POLH: variants seen among roughly 807,000 people sequenced by gnomAD.
The protein encoded by POLH is DNA polymerase eta transcript.
Under a neutral mutation model 73.6 loss-of-function variants are expected in POLH, and 53 were observed. The ratio of observed to expected loss-of-function variants is 0.72; its 90% CI spans 0.58 to 0.91. The LOEUF (loss-of-function observed/expected upper bound fraction) is 0.91, where lower values mean the gene tolerates loss of function less well. POLH is among the 40% of genes least tolerant of loss of function. The pLI is 0.00. For synonymous variants in POLH, 292 were observed against 308.5 expected, an observed-to-expected ratio of 0.95 and a Z score of 0.56; for missense variants, 768 against 865.4, an observed-to-expected ratio of 0.89 and a Z score of 1.41.
At chr6:43,602,995 C>CTAT (rs1766896886) in intron 6 of POLH, among the ~76,000 whole-genome samples, 1 of 114,022 alleles carries the variant, frequency 8.8e-6, no homozygotes, top group Non-Finnish European at 1.7e-5. Flanking sequence ...TTATGTATTC[C>CTAT]TTTTTTTTTT....
At chr6:43,598,000 C>A in intron 5 of POLH, 135 bp downstream of exon 5, 2 of 766,128 alleles carry the variant, frequency 2.6e-6, no homozygotes, top group Non-Finnish European at 4.5e-6. Flanking sequence ...ATCGCGTGAG[C>A]CCAGGAGTTG....
chr6:43,615,778 TTC>T lies in POLH; in HGVS notation c.*1224_*1225del, dbSNP rs1032400287. The T allele has an allele frequency of 5.3e-5, 8 of 151,802 alleles. No homozygotes were observed. Among genetic ancestry groups the T allele is most frequent in the Non-Finnish European group, 1.0e-4 (7 of 68,012 alleles). 9.4% of individuals were successfully genotyped at this position (151,802 alleles called of 1,614,324 possible). On this transcript the variant is annotated 3_prime_UTR_variant, in exon 11 of 11. Transcript: ENST00000372236. ...ACCTCCGTCTCCTGGGTTCAAGCAA[TTC>T]TCCTGCCTCAGCCTCCCAAGTAGCT...
chr6:43,607,170 C>T (rs1767397110), intron 9 of POLH, among the ~76,000 whole-genome samples: 3 of 152,360 alleles, frequency 2.0e-5, no homozygotes, highest in South Asian at 4.1e-4. Flanking sequence ...TCTCGGCTCA[C>T]TGCAACATCC....
At chr6:43,598,982 ATTT>A (rs938691033) in intron 5 of POLH, among the ~76,000 whole-genome samples, 1 of 108,128 alleles carries the variant, frequency 9.2e-6, no homozygotes, top group Non-Finnish European at 1.8e-5. Context: ...CACTTGCTGA[ATTT>A]TTTTTTTTTT....
At chr6:43,582,775 G>C (rs56143635) in intron 2 of POLH, among the ~76,000 whole-genome samples, 5 of 152,154 alleles carry the variant, frequency 3.3e-5, no homozygotes, top group Non-Finnish European at 5.9e-5. Flanking sequence ...TTGAACTCCC[G>C]GCCTCAAGCA....
rs1313904443 is a variant in POLH at position 43,619,560 on chromosome 6, C to G, written c.*5003C>G. Among the ~76,000 whole-genome samples, 1 of 152,080 alleles carries G rather than the reference C, an allele frequency of 6.6e-6. No individual in the cohort carries two copies. Among genetic ancestry groups the G allele is most frequent in the African/African-American group, 2.4e-5 (1 of 41,410 alleles). Reference sequence around the variant, plus strand: ...TGATTACCACAATTGGGATCATAAACATGTATAAACTCCTTGGGAGTCTGC... The same window carrying G: ...TGATTACCACAATTGGGATCATAAAGATGTATAAACTCCTTGGGAGTCTGC... On this transcript the variant is annotated 3_prime_UTR_variant, in exon 11 of 11. Coordinates refer to ENST00000372236, the MANE Select transcript of POLH (RefSeq NM_006502.3).
chr6:43,602,672 G>A (rs1766859676), intron 6 of POLH, among the ~76,000 whole-genome samples: 1 of 151,756 alleles, frequency 6.6e-6, no homozygotes. Context: ...AAAGAATTTT[G>A]ACTTTTTTTT....
intron 6 of POLH, 63 bp from the exon 7 acceptor site, chr6:43,603,829 C>G (rs1321035551): frequency 1.3e-6 from 2 of 1,548,806 alleles, no homozygotes; most frequent in Non-Finnish European, 1.8e-6. Context: ...GAATGTCTTA[C>G]GTTTGCTGCT....
In POLH at chr6:43,603,880, C is replaced by T; in HGVS notation, c.765-12C>T. 1.2e-6 allele frequency: 2 copies of T among 1,613,058 alleles called. No homozygotes were observed. The highest frequency in any genetic ancestry group is 3.3e-5 in the Admixed American group (2 of 59,980). Reference sequence around the variant, plus strand: ...ATGTGACCTATCAATTCTTTGTCTCCTTTGTTATCAGCCGTAGTCTTGGAG... The same window carrying T: ...ATGTGACCTATCAATTCTTTGTCTCTTTTGTTATCAGCCGTAGTCTTGGAG... On this transcript the variant is annotated splice_polypyrimidine_tract_variant and intron_variant, in intron 6 of 10. Transcript: ENST00000372236.
chr6:43,583,792 T>C (rs1052755145), intron 3 of POLH, among the ~76,000 whole-genome samples: 3 of 152,120 alleles, frequency 2.0e-5, no homozygotes, highest in Non-Finnish European at 4.4e-5. Flanking sequence ...CTAATATTAC[T>C]CCCCCTTCAC....
chr6:43,607,826 A>G (rs935646255), intron 9 of POLH, among the ~76,000 whole-genome samples: 5 of 152,118 alleles, frequency 3.3e-5, no homozygotes, highest in Non-Finnish European at 4.4e-5. Flanking sequence ...GGACATTTGT[A>G]TATCTTTGGG....
chr6:43,612,601 C>T (rs1462774937), intron 10 of POLH, among the ~76,000 whole-genome samples: 1 of 152,022 alleles, frequency 6.6e-6, no homozygotes, highest in Non-Finnish European at 1.5e-5. Flanking sequence ...CCCACCTCGG[C>T]CTCCCAAAGT....
chr6:43,578,497 C>T (rs769737078), intron 1 of POLH: 8 of 364,536 alleles, frequency 2.2e-5, no homozygotes, highest in Middle Eastern at 3.7e-4. Flanking sequence ...AGCAGCCTGG[C>T]GGGGGGACAA....
rs1388872088 is a variant in POLH at position 43,618,435 on chromosome 6, A to G, written c.*3878A>G. 6.6e-6 allele frequency among the ~76,000 whole-genome samples: 1 copy of G among 151,916 alleles called. No homozygotes were observed. Among genetic ancestry groups the G allele is most frequent in the African/African-American group, 2.4e-5 (1 of 41,342 alleles). Reference sequence around the variant, plus strand: ...CCAAAGTGCTGGGATTATAGGCATGAGCCACCACGCCCAGCCTATAGTACT... The same window carrying G: ...CCAAAGTGCTGGGATTATAGGCATGGGCCACCACGCCCAGCCTATAGTACT... On this transcript the variant is annotated 3_prime_UTR_variant, in exon 11 of 11. Coordinates refer to ENST00000372236, the MANE Select transcript of POLH (RefSeq NM_006502.3).
chr6:43,576,614 T>TGTTTTTCCCTGTA (rs1366255844), intron 1 of POLH, among the ~76,000 whole-genome samples, 174 bp downstream of exon 1: 4 of 152,230 alleles, frequency 2.6e-5, no homozygotes, highest in South Asian at 4.1e-4. Context: ...GAAAAAAGTA[T>TGTTTTTCCCTGTA]GTTTTTCCCT....
In POLH at chr6:43,610,644, C is replaced by T. The variant is rs780255723; in HGVS notation, c.1165C>T (p.Arg389Cys). 2.3e-5 allele frequency: 37 copies of T among 1,613,606 alleles called. No individual in the cohort carries two copies. The highest frequency in any genetic ancestry group is 1.7e-4 in the Middle Eastern group (1 of 5,956). Reference protein sequence around the residue: ...SSLRRCCALTRYDAHKMSHDA... With the variant: ...SSLRRCCALTCYDAHKMSHDA... The stretch of plus-strand genomic sequence containing the variant: ...CCTGCGCCGCTGCTGTGCCCTTACC[C>T]GCTATGATGCTCACAAGATGAGCCA... The change falls in exon 10 of 11, where the codon CGC (arginine) becomes TGC (cysteine). Residue 389 changes from arginine to cysteine, a missense_variant. Physicochemically the swap from Arg to Cys is radical, Grantham distance 180 (BLOSUM62 -3). Coordinates refer to ENST00000372236, the MANE Select transcript of POLH (RefSeq NM_006502.3).
chr6:43,592,837 G>T (rs1765617607), intron 4 of POLH, among the ~76,000 whole-genome samples: 1 of 152,156 alleles, frequency 6.6e-6, no homozygotes, highest in African/African-American at 2.4e-5. Context: ...TGGTTTGTTA[G>T]CTAAGGGCCT....
intron 2 of POLH, among the ~76,000 whole-genome samples, chr6:43,582,713 G>A (rs1764414412): frequency 6.6e-6 from 1 of 152,124 alleles, no homozygotes; most frequent in Non-Finnish European, 1.5e-5. Flanking sequence ...GGGGTGGGTA[G>A]AGATGGGGAT....
At chr6:43,610,495 C>A in intron 9 of POLH, 59 bp from the exon 10 acceptor site, 1 of 1,404,752 alleles carries the variant, frequency 7.1e-7, no homozygotes, top group Non-Finnish European at 1.0e-6. Flanking sequence ...CAGTTCAGTA[C>A]CTAGAATTCA....
Sources: gnomAD v4.1 joint callset for allele counts (sites outside exome capture counted in the v4.1 genomes callset) on GRCh38, gnomAD v4.1.1 for gene constraint, MANE v1.5 for transcripts, NCBI Gene and HGNC (gene_info 2026-07-23, HGNC 2026-07-21) for gene names.